Variants in USP49 observed in about 807,000 individuals in gnomAD.
The protein encoded by USP49 is ubiquitin carboxyl-terminal hydrolase 49.
Under a neutral mutation model 58.6 loss-of-function variants are expected in USP49, and 24 were observed. The ratio of observed to expected loss-of-function variants is 0.41; its 90% CI spans 0.30 to 0.58. The LOEUF is 0.58. Among genes scored for constraint, USP49 ranks in the 20% least tolerant of loss-of-function variants. The probability of loss-of-function intolerance (pLI) is 0.30; values close to 1 mark genes in which losing one functional copy is unlikely to be tolerated. For missense variants in USP49, 703 were observed against 866.1 expected, an observed-to-expected ratio of 0.81 and a Z score of 2.36; for synonymous variants, 408 against 365.1, an observed-to-expected ratio of 1.12 and a Z score of -1.34.
chr6:41,809,558 G>A (rs977904353), intron 3 of USP49, among the ~76,000 whole-genome samples: 1 of 151,138 alleles, frequency 6.6e-6, no homozygotes, highest in Non-Finnish European at 1.5e-5. Context: ...CGGGTACGGT[G>A]GCTCACACCT....
At chr6:41,833,451 T>C (rs897691974) in intron 3 of USP49, among the ~76,000 whole-genome samples, 1 of 152,190 alleles carries the variant, frequency 6.6e-6, no homozygotes, top group African/African-American at 2.4e-5. Flanking sequence ...TCTCAGTAAA[T>C]GTTTTCTCAT....
Position 41,806,323 on chromosome 6 carries a change from G to A in USP49, c.661C>T (p.Pro221Ser), listed in dbSNP as rs749121484. Residue 221 changes from proline (P) to serine (S), a missense_variant, in exon 4 of 8, where the codon CCG (proline) becomes TCG (serine). By Grantham distance (74) the Pro-to-Ser change is moderately conservative (BLOSUM62 -1). Transcript: ENST00000682992. This position sits in a 1 kb window ranked among gnomAD's most constrained non-coding sequence, Gnocchi z 5.9. ...LLLHTPRDAG[P>S]AASRPAALPT... ...AGGGCGGCGGGGCGCGAGGCAGCCG[G>A]GCCCGCGTCGCGGGGCGTGTGCAGG... 7 of 1,543,052 alleles carry A rather than the reference G, an allele frequency of 4.5e-6. No homozygotes were observed. In the South Asian group the frequency reaches 8.6e-5, roughly 19 times the overall value.
At chr6:41,855,873 C>G (rs759210961) in intron 3 of USP49, among the ~76,000 whole-genome samples, 7 of 151,230 alleles carry the variant, frequency 4.6e-5, no homozygotes, top group Admixed American at 2.0e-4. Context: ...CATGGCGAAA[C>G]CCCGTCTCTA....
chr6:41,868,006 G>T (rs1159068251), intron 3 of USP49, among the ~76,000 whole-genome samples: 6 of 152,128 alleles, frequency 3.9e-5, no homozygotes, highest in African/African-American at 1.2e-4. Flanking sequence ...TTTTTCAGGA[G>T]ATATTTGGTT....
At chr6:41,867,597 A>AG (rs1774341760) in intron 3 of USP49, among the ~76,000 whole-genome samples, 1 of 151,198 alleles carries the variant, frequency 6.6e-6, no homozygotes, top group African/African-American at 2.4e-5. Context: ...CAAAAAAAAA[A>AG]AAAAAAAAGC....
At chr6:41,822,718 G>A (rs1457341359) in intron 3 of USP49, among the ~76,000 whole-genome samples, 4 of 151,930 alleles carry the variant, frequency 2.6e-5, no homozygotes, top group East Asian at 1.9e-4. Flanking sequence ...AGTGGCGCGC[G>A]CCTGTCGTCT....
intron 3 of USP49, among the ~76,000 whole-genome samples, chr6:41,809,251 G>A (rs1005060546): frequency 6.0e-5 from 9 of 151,160 alleles, no homozygotes; most frequent in African/African-American, 1.2e-4. Context: ...GGCCAGGTGC[G>A]GTGGCTCATG....
rs774455203 is a variant in USP49 at position 41,791,076 on chromosome 6, T to C, written c.*5457A>G. The C allele has an allele frequency of 3.3e-5, 5 of 152,218 alleles. No homozygotes were observed. Among genetic ancestry groups the C allele is most frequent in the Non-Finnish European group, 7.3e-5 (5 of 68,034 alleles). The allele number at this position is 152,218 out of a possible 1,614,324, so 9.4% of individuals were successfully genotyped here. ...GATCCTTAAAGGCTGCTACCTGATA[T>C]ACTCATGACTGGACAGTTTTGATAA... On this transcript the variant is annotated 3_prime_UTR_variant, in exon 8 of 8. Transcript: ENST00000682992.
Position 41,806,828 on chromosome 6 carries a change from G to T in USP49, c.156C>A (p.Asp52Glu). The stretch of plus-strand genomic sequence containing the variant: ...TCTCCTCAAAGTGTTTCAGGGCGTG[G>T]TCCTCAATATAGCGGCCGCAGGCCA... ...SHVACGRYIE[D>E]HALKHFEETG... The change falls in exon 4 of 8, where the codon GAC becomes GAA. Residue 52 changes from aspartate (D) to glutamate (E), a missense_variant. Physicochemically the swap from Asp to Glu is conservative, Grantham distance 45. Transcript: ENST00000682992. This position sits in a 1 kb window ranked among gnomAD's most constrained non-coding sequence, Gnocchi z 5.9. The T allele has an allele frequency of 6.2e-7, 1 of 1,614,096 alleles. No individual in the cohort carries two copies. The highest frequency in any genetic ancestry group is 8.5e-7 in the Non-Finnish European group (1 of 1,180,028).
intron 3 of USP49, among the ~76,000 whole-genome samples, chr6:41,852,491 A>G (rs1272276347): frequency 6.6e-6 from 1 of 152,210 alleles, no homozygotes; most frequent in African/African-American, 2.4e-5. Context: ...CTCATTAATA[A>G]CAGCATAAAA....
intron 2 of USP49, among the ~76,000 whole-genome samples, chr6:41,889,136 A>G (rs936011169): frequency 3.3e-5 from 5 of 151,668 alleles, no homozygotes; most frequent in African/African-American, 1.2e-4. Flanking sequence ...AGGTTCAAGC[A>G]ATTTTCCTGC....
intron 6 of USP49, 119 bp from the exon 7 acceptor site, chr6:41,799,048 A>G (rs190250289): frequency 1.7e-5 from 21 of 1,260,304 alleles, no homozygotes; most frequent in Non-Finnish European, 2.1e-5. Context: ...TGGTTTTCCC[A>G]TCAATAAAAT....
intron 3 of USP49, among the ~76,000 whole-genome samples, chr6:41,850,415 C>T (rs1774005138): frequency 6.7e-6 from 1 of 150,290 alleles, no homozygotes; most frequent in African/African-American, 2.4e-5. Context: ...TACACTCCAG[C>T]CTGGGCAACA....
intron 2 of USP49, among the ~76,000 whole-genome samples, chr6:41,879,297 C>T (rs949758863): frequency 4.6e-5 from 7 of 152,276 alleles, no homozygotes; most frequent in South Asian, 2.1e-4. Flanking sequence ...GGCGCAATCA[C>T]GGCTCACTGC....
At chr6:41,866,171 C>G (rs775644776) in intron 3 of USP49, among the ~76,000 whole-genome samples, 51 of 151,746 alleles carry the variant, frequency 3.4e-4, no homozygotes, top group Non-Finnish European at 5.4e-4. Flanking sequence ...CCGCCCACCT[C>G]GGCCTCCCAA....
At chr6:41,809,947 C>T (rs1313382014) in intron 3 of USP49, among the ~76,000 whole-genome samples, 1 of 149,340 alleles carries the variant, frequency 6.7e-6, no homozygotes, top group Non-Finnish European at 1.5e-5. Flanking sequence ...GTCAGAGGAT[C>T]GAGACCATCC....
At position 41,848,518 on chromosome 6, in the gene USP49, C is replaced by T. The variant is rs115330009; in HGVS notation, c.-29+23046G>A. Among the ~76,000 whole-genome samples the T allele has an allele frequency of 3.9e-3, 589 of 151,968 alleles. 7 individuals are homozygous for T. The highest frequency in any genetic ancestry group is 0.014 in the African/African-American group (560 of 41,450). ...GGTAGCTGGGACTATGGGTGCATGC[C>T]ACAACATCTGGCTAATTAAAAATAT... is the stretch of plus-strand genomic sequence containing the variant. On this transcript the variant is annotated intron_variant, in intron 3 of 7. Coordinates refer to ENST00000682992, the MANE Select transcript of USP49 (RefSeq NM_001286554.2).
chr6:41,850,849 C>A (rs1488482217), intron 3 of USP49, among the ~76,000 whole-genome samples: 1 of 152,072 alleles, frequency 6.6e-6, no homozygotes, highest in African/African-American at 2.4e-5. Flanking sequence ...GATCCGCCCA[C>A]CTCGACCTCC....
rs1773594301 is a variant in USP49 at position 41,829,314 on chromosome 6, GA to G, written c.-28-22304del. On this transcript the variant is annotated intron_variant, in intron 3 of 7. Coordinates refer to ENST00000682992, the MANE Select transcript of USP49 (RefSeq NM_001286554.2). ...GTTCTAATAATTTGTGGATTCTCTT[GA>G]ATTTTTTTTTTTTTTTAAGATGGTG... Among the ~76,000 whole-genome samples the G allele has an allele frequency of 3.3e-5, 5 of 151,226 alleles. No homozygotes were observed. The South Asian group carries it at 6.2e-4, about 19-fold the overall frequency.
Sources: allele counts gnomAD v4.1 joint callset (sites outside exome capture counted in the v4.1 genomes callset), GRCh38; gene constraint gnomAD v4.1.1; non-coding constraint Gnocchi (gnomAD v3.1); transcripts MANE v1.5; gene names NCBI Gene and HGNC (gene_info 2026-07-23, HGNC 2026-07-21).